ATP8A2: variants seen among roughly 807,000 people sequenced by gnomAD.
ATP8A2 encodes the protein phospholipid-transporting ATPase IB.
Under a neutral mutation model 165.6 loss-of-function variants are expected in ATP8A2, and 100 were observed. That is an observed-to-expected ratio of 0.60 (90% CI 0.51 to 0.71). The LOEUF (loss-of-function observed/expected upper bound fraction) is 0.71, where lower values mean the gene tolerates loss of function less well. ATP8A2 is among the 30% of genes least tolerant of loss of function. The pLI is 0.00. For synonymous variants in ATP8A2, 543 were observed against 548.8 expected, an observed-to-expected ratio of 0.99 and a Z score of 0.15; for missense variants, 1,227 against 1,479.5, an observed-to-expected ratio of 0.83 and a Z score of 2.80.
chr13:25,960,769 C>T (rs1955640889), intron 33 of ATP8A2, among the ~76,000 whole-genome samples: 4 of 152,136 alleles, frequency 2.6e-5, no homozygotes, highest in Admixed American at 2.6e-4. Context: ...CTAACTTGGC[C>T]CTGCAGCTCT....
chr13:25,700,120 G>T (rs924323850), intron 25 of ATP8A2, among the ~76,000 whole-genome samples: 7 of 152,152 alleles, frequency 4.6e-5, no homozygotes, highest in Admixed American at 3.3e-4. Context: ...GAAACAATGA[G>T]TGACAAGTCT....
rs543333059 is a variant in ATP8A2, at chr13:25,846,525, G to C, written c.2956+6901G>C. On this transcript the variant is annotated intron_variant, in intron 30 of 36. Transcript: ENST00000381655. The stretch of plus-strand genomic sequence containing the variant: ...AGAGAAAGATGACATGAAGCAGTTG[G>C]GGGGAGATATTGCGGGGCAGATTGT... 5.3e-5 allele frequency among the ~76,000 whole-genome samples: 8 copies of C among 152,282 alleles called. No homozygotes were observed. The South Asian group carries it at 1.2e-3, about 24-fold the overall frequency.
At chr13:25,373,862 C>T (rs2032518027) in intron 1 of ATP8A2, among the ~76,000 whole-genome samples, 1 of 152,150 alleles carries the variant, frequency 6.6e-6, no homozygotes, top group Non-Finnish European at 1.5e-5. Context: ...CAAGAGTCGT[C>T]GGCAGGACCG....
chr13:25,703,023 G>A (rs1282398880), intron 25 of ATP8A2, among the ~76,000 whole-genome samples: 1 of 152,066 alleles, frequency 6.6e-6, no homozygotes, highest in African/African-American at 2.4e-5. Flanking sequence ...TTATACATTA[G>A]TGACTTCTCA....
intron 33 of ATP8A2, among the ~76,000 whole-genome samples, chr13:25,891,842 G>A (rs1157912894): frequency 1.3e-5 from 2 of 152,060 alleles, no homozygotes; most frequent in East Asian, 3.8e-4. Flanking sequence ...TCTTTTGTCT[G>A]ACACAATTTA....
intron 1 of ATP8A2, among the ~76,000 whole-genome samples, chr13:25,416,164 T>C (rs1296669245): frequency 6.6e-6 from 1 of 152,206 alleles, no homozygotes; most frequent in East Asian, 1.9e-4. Context: ...CATTCATTCA[T>C]TTATCATGTG....
chr13:25,630,502 G>A (rs1055205574), intron 24 of ATP8A2, among the ~76,000 whole-genome samples: 3 of 152,096 alleles, frequency 2.0e-5, no homozygotes, highest in Non-Finnish European at 4.4e-5. Context: ...CATTTCACAT[G>A]CATCACTGTT....
At chr13:25,573,745 G>A (rs1224517687) in intron 18 of ATP8A2, among the ~76,000 whole-genome samples, 1 of 152,096 alleles carries the variant, frequency 6.6e-6, no homozygotes, top group Non-Finnish European at 1.5e-5. Flanking sequence ...TCTGAATGGG[G>A]ATATGATGGA....
At chr13:25,657,230 A>C (rs926420398) in intron 24 of ATP8A2, among the ~76,000 whole-genome samples, 3 of 152,118 alleles carry the variant, frequency 2.0e-5, no homozygotes, top group African/African-American at 7.2e-5. Context: ...CCAAAGTGCA[A>C]AATAAGAGGA....
chr13:25,967,594 A>T (rs920525324), intron 34 of ATP8A2, among the ~76,000 whole-genome samples: 1 of 152,282 alleles, frequency 6.6e-6, no homozygotes. Flanking sequence ...GGATCCTCAC[A>T]TGTATTTATA....
chr13:25,564,249 G>A (rs1190503557), intron 16 of ATP8A2, among the ~76,000 whole-genome samples: 3 of 152,152 alleles, frequency 2.0e-5, no homozygotes, highest in Non-Finnish European at 4.4e-5. Flanking sequence ...TTGTAAAGTA[G>A]CACACCAAGA....
At chr13:25,889,826 T>A (rs1400493058) in intron 33 of ATP8A2, among the ~76,000 whole-genome samples, 1 of 152,140 alleles carries the variant, frequency 6.6e-6, no homozygotes, top group Non-Finnish European at 1.5e-5. Context: ...AGGTTTTTTT[T>A]CCTCAGATAC....
chr13:25,575,822 T>C (rs913613626), intron 19 of ATP8A2, among the ~76,000 whole-genome samples: 9 of 152,086 alleles, frequency 5.9e-5, no homozygotes, highest in Non-Finnish European at 7.3e-5. Flanking sequence ...TCATCTTTTA[T>C]TGGAAACTGT....
At chr13:25,793,661 GTT>G (rs11322396) in intron 27 of ATP8A2, among the ~76,000 whole-genome samples, 11 of 152,026 alleles carry the variant, frequency 7.2e-5, no homozygotes, top group Non-Finnish European at 1.0e-4. Context: ...GAGACTTAGT[GTT>G]TTTTTTTATC....
chr13:25,812,376 C>A (rs1228612133), intron 27 of ATP8A2, among the ~76,000 whole-genome samples: 1 of 146,630 alleles, frequency 6.8e-6, no homozygotes, highest in Admixed American at 6.9e-5. Context: ...CTCTTTGATG[C>A]TCTCCAGGAG....
At chr13:25,519,760 C>T (rs1420308535) in intron 2 of ATP8A2, among the ~76,000 whole-genome samples, 5 of 152,082 alleles carry the variant, frequency 3.3e-5, no homozygotes, top group East Asian at 1.9e-4. Context: ...TTTCGTCACA[C>T]GAGTGGGAAT....
At chr13:25,385,414 A>G (rs2033004270) in intron 1 of ATP8A2, among the ~76,000 whole-genome samples, 1 of 152,226 alleles carries the variant, frequency 6.6e-6, no homozygotes. Flanking sequence ...TGTCAGTAGT[A>G]ATACCTCCTT....
At chr13:25,842,213 G>A (rs978892634) in intron 30 of ATP8A2, among the ~76,000 whole-genome samples, 2 of 152,136 alleles carry the variant, frequency 1.3e-5, no homozygotes, top group Non-Finnish European at 2.9e-5. Flanking sequence ...GCTTCCTAGG[G>A]GAGGTAATAT....
At chr13:25,493,552 G>A (rs767597003) in intron 2 of ATP8A2, among the ~76,000 whole-genome samples, 5 of 152,274 alleles carry the variant, frequency 3.3e-5, no homozygotes, top group Admixed American at 2.6e-4. Flanking sequence ...TGCGGGAACC[G>A]GAAGTGAAGA....
Sources: allele counts gnomAD v4.1 joint callset (sites outside exome capture counted in the v4.1 genomes callset), GRCh38; gene constraint gnomAD v4.1.1; transcripts MANE v1.5; gene names NCBI Gene and HGNC (gene_info 2026-07-23, HGNC 2026-07-21).